LINGO2: variants seen among roughly 807,000 people sequenced by gnomAD.
LINGO2 encodes leucine rich repeat and Ig domain containing 2, also known as leucine-rich repeat and immunoglobulin-like domain-containing nogo receptor-interacting protein 2.
Under a neutral mutation model 30.6 loss-of-function variants are expected in LINGO2, and 14 were observed. That is an observed-to-expected ratio of 0.46 (90% confidence interval 0.30 to 0.72). The LOEUF is 0.72. Ranked by LOEUF, LINGO2 falls within the 30% of genes least tolerant of loss-of-function variation. The pLI is 0.07. For missense variants in LINGO2, 729 were observed against 751.7 expected, an observed-to-expected ratio of 0.97 and a Z score of 0.35; for synonymous variants, 317 against 288.5, an observed-to-expected ratio of 1.10 and a Z score of -1.00.
At chr9:28,512,591 GTGTATATATATATATATATATATATA>G (rs1429694442) in intron 1 of LINGO2, among the ~76,000 whole-genome samples, 4 of 15,832 alleles carry the variant, frequency 2.5e-4, no homozygotes, top group Middle Eastern at 0.071. Context: ...ATATATATGT[GTGTATATATATATATATATATATATA>G]TATATATATA....
Position 28,301,766 on chromosome 9 carries a change from T to C in LINGO2, c.-245-6400A>G, listed in dbSNP as rs374969455. ...CTACACAAGAAGATCATCCCTAAAA[T>C]ACATAATCATCAGGTTTTCCAAGGT... On this transcript the variant is annotated intron_variant, in intron 3 of 5. Coordinates refer to ENST00000379992, the Ensembl canonical transcript of LINGO2. 2.8e-4 allele frequency among the ~76,000 whole-genome samples: 42 copies of C among 152,228 alleles called. No individual in the cohort carries two copies. In the East Asian group the frequency reaches 6.6e-3, roughly 24 times the overall value.
At chr9:28,301,317 A>T (rs1824132865) in intron 3 of LINGO2, among the ~76,000 whole-genome samples, 1 of 151,558 alleles carries the variant, frequency 6.6e-6, no homozygotes, top group African/African-American at 2.4e-5. Context: ...CTCTAGATAT[A>T]GTATAGGTCC....
intron 1 of LINGO2, among the ~76,000 whole-genome samples, chr9:28,648,588 A>C (rs939112568): frequency 6.6e-6 from 1 of 152,066 alleles, no homozygotes; most frequent in African/African-American, 2.4e-5. Context: ...TATTCTCTAA[A>C]ATATTATGCT....
At chr9:28,181,994 CT>C (rs1819361257) in intron 4 of LINGO2, among the ~76,000 whole-genome samples, 1 of 152,072 alleles carries the variant, frequency 6.6e-6, no homozygotes, top group South Asian at 2.1e-4. Context: ...AAAGTAGACC[CT>C]GTATAGCCAA....
At chr9:28,828,304 C>T in the LINGO2 span, among the ~76,000 whole-genome samples, 4 of 151,804 alleles carry the variant, frequency 2.6e-5, no homozygotes, top group Non-Finnish European at 5.9e-5. Context: ...AAATAAAATA[C>T]AGAGGATTAC....
At chr9:28,441,953 G>A (rs746475361) in intron 2 of LINGO2, among the ~76,000 whole-genome samples, 2 of 151,840 alleles carry the variant, frequency 1.3e-5, no homozygotes, top group Non-Finnish European at 2.9e-5. Context: ...GTTTTCTATT[G>A]TACATGCTCT....
At chr9:29,156,118 A>T in the LINGO2 span, among the ~76,000 whole-genome samples, 1 of 152,152 alleles carries the variant, frequency 6.6e-6, no homozygotes, top group Non-Finnish European at 1.5e-5. Flanking sequence ...CTCTGGGCAC[A>T]TACACACTGA....
chr9:29,162,965 CA>C, the LINGO2 span, among the ~76,000 whole-genome samples: 1 of 152,042 alleles, frequency 6.6e-6, no homozygotes, highest in African/African-American at 2.4e-5. Context: ...CAGACTCTAT[CA>C]AAGAGACAGA....
intron 2 of LINGO2, among the ~76,000 whole-genome samples, chr9:28,420,300 T>G (rs1237091629): frequency 6.6e-6 from 1 of 152,142 alleles, no homozygotes; most frequent in East Asian, 1.9e-4. Context: ...AGGTCAATTT[T>G]AGAAAGCAGC....
chr9:29,114,380 TTTATTATTA>T, the LINGO2 span, among the ~76,000 whole-genome samples: 141 of 143,314 alleles, frequency 9.8e-4, no homozygotes, highest in South Asian at 4.1e-3. Flanking sequence ...ATTTTTTTCT[TTTATTATTA>T]TTATTATTAT....
At chr9:28,247,346 AC>A (rs1282512201) in intron 4 of LINGO2, among the ~76,000 whole-genome samples, 2 of 152,212 alleles carry the variant, frequency 1.3e-5, no homozygotes, top group African/African-American at 4.8e-5. Flanking sequence ...GATGGAACCA[AC>A]CCAAATGTCC....
At chr9:28,914,899 G>C in the LINGO2 span, among the ~76,000 whole-genome samples, 2 of 152,154 alleles carry the variant, frequency 1.3e-5, no homozygotes, top group Non-Finnish European at 2.9e-5. Flanking sequence ...TTGGGAGGCC[G>C]AGGCAGGCGG....
chr9:29,101,521 G>C, the LINGO2 span, among the ~76,000 whole-genome samples: 1 of 152,104 alleles, frequency 6.6e-6, no homozygotes, highest in Non-Finnish European at 1.5e-5. Flanking sequence ...CCCCTACCCA[G>C]TTAAAATGGC....
chr9:28,422,302 T>A (rs1183636290), intron 2 of LINGO2, among the ~76,000 whole-genome samples: 1 of 152,002 alleles, frequency 6.6e-6, no homozygotes, highest in Non-Finnish European at 1.5e-5. Flanking sequence ...TATAAATAAT[T>A]CCTACAACTC....
At chr9:28,166,797 A>G (rs2133628255) in intron 4 of LINGO2, among the ~76,000 whole-genome samples, 1 of 152,088 alleles carries the variant, frequency 6.6e-6, no homozygotes, top group East Asian at 1.9e-4. Context: ...AAAAACAAAC[A>G]AACAAAAAAA....
chr9:28,087,081 T>TA (rs1271174960), intron 4 of LINGO2, among the ~76,000 whole-genome samples: 4 of 152,090 alleles, frequency 2.6e-5, no homozygotes, highest in African/African-American at 9.7e-5. Context: ...AAGTCCAGAC[T>TA]AGCTTTTTGA....
the LINGO2 span, among the ~76,000 whole-genome samples, chr9:28,961,566 T>C: frequency 2.6e-5 from 4 of 152,218 alleles, no homozygotes; most frequent in African/African-American, 9.6e-5. Context: ...CCAGAAGAGC[T>C]ATTTATCATC....
At chr9:28,545,721 G>C (rs1217561760) in intron 1 of LINGO2, among the ~76,000 whole-genome samples, 1 of 152,010 alleles carries the variant, frequency 6.6e-6, no homozygotes, top group Non-Finnish European at 1.5e-5. Flanking sequence ...TTAGAATGAA[G>C]AAAGGACCCA....
chr9:29,008,057 C>T, the LINGO2 span, among the ~76,000 whole-genome samples: 3 of 152,044 alleles, frequency 2.0e-5, no homozygotes, highest in Non-Finnish European at 4.4e-5. Context: ...GGTATATCTC[C>T]TAATGCTATC....
Sources: allele counts gnomAD v4.1 joint callset (sites outside exome capture counted in the v4.1 genomes callset), GRCh38; gene constraint gnomAD v4.1.1; transcripts MANE v1.5; gene names NCBI Gene and HGNC (gene_info 2026-07-23, HGNC 2026-07-21).